MICAL2: variants seen among roughly 807,000 people sequenced by gnomAD.
MICAL2 encodes microtubule associated monooxygenase, calponin and LIM domain containing 2, also known as [F-actin]-monooxygenase MICAL2.
MICAL2 carries 77 observed loss-of-function variants against 127.3 expected under a neutral mutation model. The ratio of observed to expected loss-of-function variants is 0.60; its 90% CI spans 0.50 to 0.73. The LOEUF (loss-of-function observed/expected upper bound fraction) is 0.73, where lower values mean the gene tolerates loss of function less well. Ranked by LOEUF, MICAL2 falls within the 30% of genes least tolerant of loss-of-function variation. MICAL2 has a pLI of 0.00. For missense variants in MICAL2, 1,351 were observed against 1,434.4 expected, an observed-to-expected ratio of 0.94 and a Z score of 0.94; for synonymous variants, 570 against 551.1, an observed-to-expected ratio of 1.03 and a Z score of -0.48.
intron 3 of MICAL2, among the ~76,000 whole-genome samples, chr11:12,181,608 C>G (rs990486927): frequency 2.0e-5 from 3 of 152,196 alleles, no homozygotes; most frequent in African/African-American, 7.2e-5. Context: ...ATGTGTTTAA[C>G]TTGCTTTAAG....
At chr11:12,267,118 G>T (rs1045791748), downstream of MICAL2, among the ~76,000 whole-genome samples, 3 of 152,100 alleles carry the variant, frequency 2.0e-5, no homozygotes, top group Admixed American at 6.5e-5. Context: ...ACCTCCCTTC[G>T]GACACCCAGG....
intron 4 of MICAL2, among the ~76,000 whole-genome samples, chr11:12,206,255 G>A (rs1032991766): frequency 6.6e-6 from 1 of 152,188 alleles, no homozygotes; most frequent in Non-Finnish European, 1.5e-5. Flanking sequence ...CCCTGGGCTG[G>A]TTGGGCTGGC....
chr11:12,263,458 C>T lies in MICAL2; in HGVS notation c.*18-102C>T, dbSNP rs139623255. 4.6e-3 allele frequency: 706 copies of T among 152,694 alleles called. 6 individuals are homozygous for T. The highest frequency in any genetic ancestry group is 6.4e-3 in the Non-Finnish European group (437 of 68,132). 9.5% of individuals were successfully genotyped at this position (152,694 alleles called of 1,614,324 possible). A position where few individuals can be genotyped will look rare whatever the true frequency, so the allele number is the denominator to read the frequency against. On this transcript the variant is annotated intron_variant, in intron 27 of 27. Transcript: ENST00000683283. ...TGCATGTGGCCCAGACCACCCTGAC[C>T]CCCGGGCCTGCCTGCCTGGCCCTGC...
chr11:12,289,332 G>A (rs1446305980), downstream of MICAL2, among the ~76,000 whole-genome samples: 2 of 152,236 alleles, frequency 1.3e-5, no homozygotes, highest in Non-Finnish European at 2.9e-5. Flanking sequence ...CAAGGAAACG[G>A]CCAGCAGAGG....
intron 4 of MICAL2, among the ~76,000 whole-genome samples, chr11:12,204,696 A>T (rs929456920): frequency 6.6e-6 from 1 of 152,214 alleles, no homozygotes; most frequent in African/African-American, 2.4e-5. Context: ...TAATCACCAG[A>T]CTATCTCCAG....
chr11:12,184,420 T>C (rs1390704443), intron 3 of MICAL2, among the ~76,000 whole-genome samples: 10 of 152,192 alleles, frequency 6.6e-5, no homozygotes, highest in Non-Finnish European at 4.4e-5. Context: ...CCAGCATACC[T>C]GCCCACAGAG....
chr11:12,126,066 C>T (rs1216906668), intron 1 of MICAL2, among the ~76,000 whole-genome samples: 1 of 152,140 alleles, frequency 6.6e-6, no homozygotes. Context: ...CAGGGAGGCC[C>T]TCCTGCAGAG....
chr11:12,359,257 G>T (rs56271938), downstream of MICAL2: 17,532 of 151,480 alleles, frequency 0.12, 2,688 homozygotes, highest in African/African-American at 0.35. Flanking sequence ...GCTTTTTATG[G>T]ACCCTGGAAA....
chr11:12,251,125 G>A (rs1194634626), intron 22 of MICAL2, among the ~76,000 whole-genome samples: 1 of 152,158 alleles, frequency 6.6e-6, no homozygotes, highest in African/African-American at 2.4e-5. Context: ...ATTCAAGTGT[G>A]TGATCATATT....
intron 14 of MICAL2, 135 bp downstream of exon 14, chr11:12,226,505 AGGG>A (rs1857469313): frequency 2.5e-6 from 2 of 807,710 alleles, no homozygotes; most frequent in Non-Finnish European, 3.9e-6. Flanking sequence ...GAGGCCAAAC[AGGG>A]GTGACTCCAC....
At chr11:12,288,858 C>G (rs188053443), downstream of MICAL2, among the ~76,000 whole-genome samples, 3 of 152,212 alleles carry the variant, frequency 2.0e-5, no homozygotes, top group Non-Finnish European at 4.4e-5. Context: ...GAGTCCCAGT[C>G]TCCCGAAAAT....
intron 29 of MICAL2, among the ~76,000 whole-genome samples, chr11:12,310,483 G>A (rs1252992235): frequency 2.6e-5 from 4 of 152,146 alleles, no homozygotes; most frequent in Non-Finnish European, 4.4e-5. Flanking sequence ...TGAGTTGACT[G>A]TAAGTGTGTG....
Position 12,122,152 on chromosome 11 carries a change from C to T in MICAL2, c.-149+11426C>T, listed in dbSNP as rs562526738. 3.3e-5 allele frequency among the ~76,000 whole-genome samples: 5 copies of T among 152,368 alleles called. No individual in the cohort carries two copies. In the South Asian group the frequency reaches 1.0e-3, roughly 32 times the overall value. On this transcript the variant is annotated intron_variant, in intron 1 of 27. Coordinates refer to ENST00000683283, the MANE Select transcript of MICAL2 (RefSeq NM_001282663.2). Reference sequence around the variant, plus strand: ...TGGACAAGCCACACACATACTATCTCTGAACCTTGGGTTTGTTCTCTGTAA... The same window carrying T: ...TGGACAAGCCACACACATACTATCTTTGAACCTTGGGTTTGTTCTCTGTAA...
intron 1 of MICAL2, among the ~76,000 whole-genome samples, chr11:12,134,430 CAG>C (rs1397794899): frequency 1.3e-5 from 2 of 152,208 alleles, no homozygotes; most frequent in African/African-American, 2.4e-5. Flanking sequence ...CCAGGAAGCA[CAG>C]GGCTGGGCTG....
chr11:12,255,586 G>A, intron 22 of MICAL2, 57 bp from the exon 23 acceptor site: 1 of 1,490,592 alleles, frequency 6.7e-7, no homozygotes, highest in Non-Finnish European at 9.3e-7. Context: ...TTTTCCTCCT[G>A]GGTGCTAACT....
chr11:12,319,144 A>T (rs908665463), intron 29 of MICAL2, among the ~76,000 whole-genome samples: 2 of 150,708 alleles, frequency 1.3e-5, no homozygotes, highest in African/African-American at 2.4e-5. Flanking sequence ...TACATTTGGG[A>T]TTTTTTTTTT....
intron 32 of MICAL2, among the ~76,000 whole-genome samples, chr11:12,333,239 C>G (rs1407008963): frequency 1.3e-5 from 2 of 151,942 alleles, no homozygotes; most frequent in Admixed American, 1.3e-4. Flanking sequence ...ATCTGGCAAT[C>G]TAAGGGTGAT....
chr11:12,217,810 C>A (rs192946064), intron 8 of MICAL2, among the ~76,000 whole-genome samples: 345 of 152,226 alleles, frequency 2.3e-3, no homozygotes, highest in African/African-American at 7.9e-3. Context: ...CCCCTGGGAG[C>A]AGCTCCTGAG....
In MICAL2 at chr11:12,162,066, C is replaced by A; in HGVS notation, c.-77-13C>A. 6.4e-7 allele frequency: 1 copy of A among 1,570,428 alleles called. No individual in the cohort carries two copies. The highest frequency in any genetic ancestry group is 8.7e-7 in the Non-Finnish European group (1 of 1,154,458). ...CGTCCAAAGCTGACCTCTGCCTCCCCCTACTTTCACAGGTGTGACGTTTCT... is the reference window on the plus strand; with the variant it reads ...CGTCCAAAGCTGACCTCTGCCTCCCACTACTTTCACAGGTGTGACGTTTCT... On this transcript the variant is annotated splice_polypyrimidine_tract_variant and intron_variant, in intron 2 of 27. Coordinates refer to ENST00000683283, the MANE Select transcript of MICAL2 (RefSeq NM_001282663.2).
Sources: allele counts gnomAD v4.1 joint callset (sites outside exome capture counted in the v4.1 genomes callset), GRCh38; gene constraint gnomAD v4.1.1; transcripts MANE v1.5; gene names NCBI Gene and HGNC (gene_info 2026-07-23, HGNC 2026-07-21).